The following RUFY4 variants were observed in gnomAD, a reference collection of about 807,000 sequenced individuals.
RUFY4 encodes the protein RUN and FYVE domain containing 4.
RUFY4 carries 73 observed loss-of-function variants against 69.0 expected under a neutral mutation model. That is an observed-to-expected ratio of 1.06 (90% CI 0.88 to 1.29). RUFY4 has a LOEUF of 1.29. Ranked by LOEUF, RUFY4 falls within the 50% of genes most tolerant of loss-of-function variation. The pLI is 0.00. For missense variants in RUFY4, 770 were observed against 705.6 expected (o/e 1.09, Z -1.03); for synonymous variants, 287 against 271.8 (o/e 1.06, Z -0.55).
intron 2 of RUFY4, among the ~76,000 whole-genome samples, chr2:218,046,963 A>G (rs930280988): frequency 3.9e-5 from 6 of 152,074 alleles, no homozygotes; most frequent in Non-Finnish European, 8.8e-5. Flanking sequence ...ACTTGATTAA[A>G]TAGGTACACA....
intron 8 of RUFY4, 57 bp downstream of exon 10, chr2:218,076,590 T>C: frequency 2.6e-6 from 4 of 1,536,114 alleles, no homozygotes; most frequent in Non-Finnish European, 3.5e-6. Flanking sequence ...GGTCCTGCTG[T>C]CAATCACGGT....
intron 2 of RUFY4, among the ~76,000 whole-genome samples, chr2:218,044,117 G>C (rs772906893): frequency 6.6e-6 from 1 of 152,114 alleles, no homozygotes; most frequent in Non-Finnish European, 1.5e-5. Flanking sequence ...AGGCCTTCTG[G>C]GGCCTCCAAA....
At chr2:218,036,214 C>T (rs1244875062) in intron 2 of RUFY4, among the ~76,000 whole-genome samples, 1 of 152,174 alleles carries the variant, frequency 6.6e-6, no homozygotes, top group Non-Finnish European at 1.5e-5. Context: ...TCGGTGGAGG[C>T]CACACCATCA....
At chr2:218,068,261 C>T (rs1238549333), upstream of RUFY4, among the ~76,000 whole-genome samples, 4 of 151,358 alleles carry the variant, frequency 2.6e-5, no homozygotes, top group Non-Finnish European at 5.9e-5. Flanking sequence ...AGGCAGGGGG[C>T]TGGAGAAGGG....
exon 2 of RUFY4, chr2:218,070,828 G>A: frequency 6.5e-7 from 1 of 1,537,064 alleles, no homozygotes; most frequent in African/African-American, 1.4e-5. Context: ...GAGCTGCACA[G>A]ACTCTGTGGC....
upstream of RUFY4, chr2:218,069,260 C>G (rs947601249): frequency 6.6e-6 from 1 of 152,324 alleles, no homozygotes; most frequent in African/African-American, 2.4e-5. Flanking sequence ...GCTGTAAATC[C>G]TGGGACTGCT....
intron 8 of RUFY4, among the ~76,000 whole-genome samples, chr2:218,078,703 T>G (rs1047297730): frequency 6.6e-6 from 1 of 152,140 alleles, no homozygotes; most frequent in African/African-American, 2.4e-5. Flanking sequence ...ATCCACCACC[T>G]CAATCAATTT....
intron 8 of RUFY4, 96 bp from the exon 11 acceptor site, chr2:218,083,014 C>T: frequency 7.4e-7 from 1 of 1,343,060 alleles, no homozygotes; most frequent in Non-Finnish European, 9.6e-7. Flanking sequence ...TCACCAGCGT[C>T]TCCCATGGGC....
intron 2 of RUFY4, among the ~76,000 whole-genome samples, chr2:218,054,575 T>C (rs931410744): frequency 7.1e-6 from 1 of 141,702 alleles, no homozygotes; most frequent in Non-Finnish European, 1.5e-5. Flanking sequence ...AAAAAAAAGA[T>C]CAGTGGACTA....
intron 9 of RUFY4, among the ~76,000 whole-genome samples, chr2:218,086,254 T>C (rs960146636): frequency 6.6e-6 from 1 of 152,178 alleles, no homozygotes; most frequent in African/African-American, 2.4e-5. Context: ...CCTTTCTAAC[T>C]GTGAGGAGAG....
chr2:218,088,782 C>G (rs1257630688), intron 9 of RUFY4, among the ~76,000 whole-genome samples: 2 of 152,142 alleles, frequency 1.3e-5, no homozygotes, highest in Non-Finnish European at 2.9e-5. Context: ...CCCTATGTCT[C>G]TTTCTCTATC....
exon 4 of RUFY4, chr2:218,072,880 C>T: frequency 6.5e-7 from 1 of 1,528,526 alleles, no homozygotes; most frequent in Non-Finnish European, 8.8e-7. Context: ...ACTCAGAGCT[C>T]ACCAGGTGGG....
At chr2:218,072,435 G>A (rs1239629418) in exon 3 of RUFY4, 2 of 1,537,292 alleles carry the variant, frequency 1.3e-6, no homozygotes, top group Non-Finnish European at 1.7e-6. Context: ...GACTTTCTCT[G>A]CACTGCCCTA....
intron 2 of RUFY4, among the ~76,000 whole-genome samples, chr2:218,053,635 G>A (rs187015741): frequency 1.7e-4 from 26 of 152,164 alleles, no homozygotes; most frequent in Middle Eastern, 3.4e-3. Flanking sequence ...TCAGCCTCCC[G>A]GGTAACTGGG....
chr2:218,073,430 TCCC>T, intron 5 of RUFY4, 44 bp downstream of exon 7: 1 of 1,564,342 alleles, frequency 6.4e-7, no homozygotes, highest in Non-Finnish European at 8.7e-7. Flanking sequence ...TGACACCTGG[TCCC>T]ATGGCCACCA....
upstream of RUFY4, among the ~76,000 whole-genome samples, chr2:218,064,526 G>A (rs1240749051): frequency 6.6e-6 from 1 of 152,056 alleles, no homozygotes; most frequent in African/African-American, 2.4e-5. Flanking sequence ...TCAGGCAGGG[G>A]TTGCCCCAGC....
chr2:218,078,563 A>T (rs1689689179), intron 8 of RUFY4, among the ~76,000 whole-genome samples: 1 of 152,240 alleles, frequency 6.6e-6, no homozygotes, highest in South Asian at 2.1e-4. Flanking sequence ...TTTGACTCAG[A>T]GGAAGATGGG....
chr2:218,063,480 A>C (rs1254918904), intron 3 of RUFY4, among the ~76,000 whole-genome samples: 1 of 152,246 alleles, frequency 6.6e-6, no homozygotes, highest in Admixed American at 6.5e-5. Context: ...TGCTCAAAAA[A>C]GTTAAACACA....
chr2:218,070,477 G>C, upstream of RUFY4: 1 of 802,536 alleles, frequency 1.2e-6, no homozygotes, highest in Non-Finnish European at 2.1e-6. Context: ...TGTCACCCAA[G>C]ATTAGTCACT....
Sources: gnomAD v4.1 joint callset for allele counts (sites outside exome capture counted in the v4.1 genomes callset) on GRCh38, gnomAD v4.1.1 for gene constraint, MANE v1.5 for transcripts, NCBI Gene and HGNC (gene_info 2026-07-23, HGNC 2026-07-21) for gene names.